MEGF11: variants seen among roughly 807,000 people sequenced by gnomAD.
MEGF11 encodes the protein multiple epidermal growth factor-like domains protein 11.
MEGF11 carries 126 observed loss-of-function variants against 146.6 expected under a neutral mutation model. That is an observed-to-expected ratio of 0.86 (90% CI 0.74 to 1.00). MEGF11 has a LOEUF of 1.00. Among genes scored for constraint, MEGF11 ranks in the 50% least tolerant of loss-of-function variants. The pLI is 0.00. For synonymous variants in MEGF11, 532 were observed against 583.4 expected (o/e 0.91, Z 1.27); for missense variants, 1,509 against 1,521.2 (o/e 0.99, Z 0.13).
intron 8 of MEGF11, among the ~76,000 whole-genome samples, chr15:65,965,613 C>CTTTTTTTTTTTTTTTT (rs1186551497): frequency 1.9e-4 from 10 of 53,522 alleles, no homozygotes; most frequent in Admixed American, 2.7e-4. Flanking sequence ...TTTTTTTTTT[C>CTTTTTTTTTTTTTTTT]TTTTTTTTTT....
intron 5 of MEGF11, among the ~76,000 whole-genome samples, chr15:66,051,263 G>A (rs755990301): frequency 2.6e-4 from 39 of 152,240 alleles, no homozygotes; most frequent in Non-Finnish European, 5.6e-4. Context: ...GTCAAGACTG[G>A]GAGATGAGTG....
chr15:65,967,228 C>G (rs903100857), intron 8 of MEGF11: 2 of 152,210 alleles, frequency 1.3e-5, no homozygotes, highest in Admixed American at 6.5e-5. Flanking sequence ...GTTATTTTCA[C>G]TAGTACTCAT....
intron 5 of MEGF11, among the ~76,000 whole-genome samples, chr15:66,068,081 T>C (rs1362830163): frequency 6.6e-6 from 1 of 152,168 alleles, no homozygotes; most frequent in Non-Finnish European, 1.5e-5. Context: ...TCAAGTAAGC[T>C]AGTTCATGGA....
Position 66,248,269 on chromosome 15 carries a change from C to G in MEGF11, c.-9+5336G>C, listed in dbSNP as rs28615668. On this transcript the variant is annotated intron_variant, in intron 1 of 25. Coordinates refer to ENST00000395614, the MANE Select transcript of MEGF11 (RefSeq NM_001385028.1). ...ATGCTGTTGAACAAACTGAAAGAACCAACTATAGGGCAGACATAACCCAGA... is the reference window on the plus strand; with the variant it reads ...ATGCTGTTGAACAAACTGAAAGAACGAACTATAGGGCAGACATAACCCAGA... Among the ~76,000 whole-genome samples, 178 of 152,208 alleles carry G rather than the reference C, an allele frequency of 1.2e-3. 1 individual carries two copies. The highest frequency in any genetic ancestry group is 3.4e-3 in the Middle Eastern group (1 of 294).
chr15:65,965,122 T>C lies in MEGF11; in HGVS notation c.900-2A>G. 1 of 1,582,190 alleles carries C rather than the reference T, an allele frequency of 6.3e-7. No individual in the cohort carries two copies. The highest frequency in any genetic ancestry group is 8.6e-7 in the Non-Finnish European group (1 of 1,160,428). On this transcript the variant is annotated splice_acceptor_variant, in intron 8 of 25. Transcript: ENST00000395614. LOFTEE classifies it high-confidence loss of function. ...CCGAAGGGGCACTCCTCTTGGCACC[T>C]GTGGGAGAGCAGAGTGGGGCTGAGG...
At chr15:65,965,621 T>TCTTTCTTTCTTTCTTTCTTTCTTTCTTTC (rs2081062250) in intron 8 of MEGF11, among the ~76,000 whole-genome samples, 1 of 136,060 alleles carries the variant, frequency 7.3e-6, no homozygotes, top group Non-Finnish European at 1.6e-5. Flanking sequence ...TTCTTTTTTT[T>TCTTTCTTTCTTTCTTTCTTTCTTTCTTTC]TTTTTTGGCT....
chr15:66,186,285 GGAA>G (rs1254625144), intron 1 of MEGF11, among the ~76,000 whole-genome samples: 12 of 152,298 alleles, frequency 7.9e-5, no homozygotes, highest in Admixed American at 2.0e-4. Context: ...TAGAGTTTTT[GGAA>G]GAAGAGCAGT....
rs1311549075 is a variant in MEGF11 at position 65,982,212 on chromosome 15, CGCCCCTCCAGGTCCT to C, written c.641+15_641+29del. On this transcript the variant is annotated intron_variant, in intron 6 of 25. Transcript: ENST00000395614. This position sits in a 1 kb window ranked among gnomAD's most constrained non-coding sequence, Gnocchi z 5.6. ...CTCCAGGTCCCGCCCCTCCAGGTCC[CGCCCCTCCAGGTCCT>C]GCCGCATGACTCACTAGACGCCGGT... The C allele has an allele frequency of 5.5e-5, 84 of 1,532,514 alleles. No homozygotes were observed. The highest frequency in any genetic ancestry group is 7.0e-5 in the Non-Finnish European group (80 of 1,143,106). The allele number at this position is 1,532,514 out of a possible 1,614,324, so 94.9% of individuals were successfully genotyped here.
At chr15:66,186,570 T>G (rs1035591594) in intron 1 of MEGF11, among the ~76,000 whole-genome samples, 8 of 152,184 alleles carry the variant, frequency 5.3e-5, no homozygotes, top group Admixed American at 5.2e-4. Context: ...ACCTGACAGA[T>G]GTCTAGCTAT....
intron 1 of MEGF11, among the ~76,000 whole-genome samples, chr15:66,162,402 C>T (rs906460006): frequency 6.6e-6 from 1 of 152,150 alleles, no homozygotes; most frequent in Non-Finnish European, 1.5e-5. Context: ...GAATGGCCCA[C>T]AATTTAAATG....
intron 1 of MEGF11, among the ~76,000 whole-genome samples, chr15:66,221,580 A>C (rs2091738378): frequency 6.6e-6 from 1 of 151,910 alleles, no homozygotes; most frequent in African/African-American, 2.4e-5. Context: ...CTTAGAAGGC[A>C]GAGAGAAGTG....
chr15:66,230,927 CAG>C (rs1361269051), intron 1 of MEGF11, among the ~76,000 whole-genome samples: 5 of 152,180 alleles, frequency 3.3e-5, no homozygotes, highest in Non-Finnish European at 7.3e-5. Context: ...CCCACAGAAC[CAG>C]AGAGGCAGCG....
chr15:66,006,795 G>A (rs1455708263), intron 5 of MEGF11, among the ~76,000 whole-genome samples: 1 of 152,236 alleles, frequency 6.6e-6, no homozygotes, highest in Non-Finnish European at 1.5e-5. Flanking sequence ...CTGGGAGACA[G>A]CCAAGGGCAG....
intron 5 of MEGF11, among the ~76,000 whole-genome samples, chr15:66,092,718 G>T (rs113533690): frequency 1.3e-5 from 2 of 152,140 alleles, no homozygotes; most frequent in African/African-American, 4.8e-5. Flanking sequence ...ACAGTCCCGA[G>T]CATAGAGCGA....
At chr15:65,915,787 C>T (rs1267223836) in intron 18 of MEGF11, among the ~76,000 whole-genome samples, 189 bp from the exon 19 acceptor site, 1 of 152,006 alleles carries the variant, frequency 6.6e-6, no homozygotes, top group African/African-American at 2.4e-5. Context: ...TGAGCAGGGC[C>T]CACTCACCCC....
At chr15:66,190,307 G>T (rs974579376) in intron 1 of MEGF11, among the ~76,000 whole-genome samples, 1 of 152,090 alleles carries the variant, frequency 6.6e-6, no homozygotes, top group Non-Finnish European at 1.5e-5. Flanking sequence ...TTGCTATGTT[G>T]CCCGGGCTGG....
At chr15:66,242,058 T>C (rs1319095317) in intron 1 of MEGF11, among the ~76,000 whole-genome samples, 1 of 152,162 alleles carries the variant, frequency 6.6e-6, no homozygotes, top group African/African-American at 2.4e-5. Context: ...TGCCTTTGTG[T>C]GAGGCATGGT....
chr15:66,215,630 G>A (rs1246546533), intron 1 of MEGF11, among the ~76,000 whole-genome samples: 3 of 152,176 alleles, frequency 2.0e-5, no homozygotes, highest in African/African-American at 7.2e-5. Context: ...TCAAAAATGA[G>A]GCATCAGCAC....
intron 5 of MEGF11, among the ~76,000 whole-genome samples, chr15:66,086,189 C>A (rs1442864792): frequency 6.6e-6 from 1 of 152,150 alleles, no homozygotes; most frequent in Non-Finnish European, 1.5e-5. Context: ...TAAGAATAAT[C>A]AGTGTTCCTG....
Sources: gnomAD v4.1 joint callset for allele counts (sites outside exome capture counted in the v4.1 genomes callset) on GRCh38, gnomAD v4.1.1 for gene constraint, Gnocchi (gnomAD v3.1) non-coding constraint, MANE v1.5 for transcripts, NCBI Gene and HGNC (gene_info 2026-07-23, HGNC 2026-07-21) for gene names.